Variants in ELK3 observed in about 807,000 individuals in gnomAD.
ELK3 encodes the protein ETS transcription factor ELK3, also known as ETS domain-containing protein Elk-3.
In ELK3, 10 loss-of-function variants were observed where a neutral mutation model predicts 28.9. That is an observed-to-expected ratio of 0.35 (90% confidence interval 0.21 to 0.59). The LOEUF is 0.59. Among genes scored for constraint, ELK3 ranks in the 20% least tolerant of loss-of-function variants. The probability of loss-of-function intolerance (pLI) is 0.82; values close to 1 mark genes in which losing one functional copy is unlikely to be tolerated. For missense variants in ELK3, 463 were observed against 517.3 expected (o/e 0.90, Z 1.02); for synonymous variants, 272 against 243.5 (o/e 1.12, Z -1.09).
chr12:96,214,416 G>A (rs1357337207), intron 1 of ELK3, among the ~76,000 whole-genome samples: 2 of 151,492 alleles, frequency 1.3e-5, no homozygotes, highest in African/African-American at 2.4e-5. Context: ...GGGCGACAGA[G>A]CAAGACTCTG....
intron 2 of ELK3, among the ~76,000 whole-genome samples, chr12:96,240,899 A>G (rs1051382202): frequency 1.3e-5 from 2 of 152,208 alleles, no homozygotes; most frequent in African/African-American, 4.8e-5. Flanking sequence ...CCTTGGATCA[A>G]AATTGGGGTG....
At chr12:96,252,459 C>T (rs1216440755) in intron 3 of ELK3, among the ~76,000 whole-genome samples, 2 of 151,976 alleles carry the variant, frequency 1.3e-5, no homozygotes, top group South Asian at 2.1e-4. Context: ...CAATTGAAAA[C>T]CTTCTGGAAA....
intron 1 of ELK3, among the ~76,000 whole-genome samples, chr12:96,202,891 C>G (rs907263876): frequency 4.6e-5 from 7 of 151,120 alleles, no homozygotes; most frequent in African/African-American, 1.7e-4. Context: ...TCTTGTTACC[C>G]AAACACAGGA....
intron 3 of ELK3, among the ~76,000 whole-genome samples, chr12:96,254,981 G>A (rs190571389): frequency 5.9e-5 from 9 of 152,268 alleles, no homozygotes; most frequent in African/African-American, 2.2e-4. Context: ...AGGGGTATGA[G>A]TGACAGTCTG....
At chr12:96,206,656 T>C (rs970231753) in intron 1 of ELK3, among the ~76,000 whole-genome samples, 1 of 152,222 alleles carries the variant, frequency 6.6e-6, no homozygotes, top group Admixed American at 6.5e-5. Flanking sequence ...TTTGTACAGT[T>C]AATATATTCA....
At chr12:96,243,401 A>G (rs1951834452) in intron 2 of ELK3, among the ~76,000 whole-genome samples, 2 of 152,240 alleles carry the variant, frequency 1.3e-5, no homozygotes, top group African/African-American at 4.8e-5. Context: ...ATCATGTAAT[A>G]TCTGGCTGCT....
At chr12:96,227,984 C>G (rs569768977) in intron 2 of ELK3, among the ~76,000 whole-genome samples, 9 of 152,240 alleles carry the variant, frequency 5.9e-5, no homozygotes, top group African/African-American at 1.9e-4. Flanking sequence ...GTTTCTCTAT[C>G]ACTAATTTGA....
Position 96,247,145 on chromosome 12 carries a change from T to C in ELK3, c.413T>C (p.Ile138Thr). Residue 138 changes from isoleucine to threonine, a missense_variant, in exon 3 of 5, where the codon ATC becomes ACC. Ile to Thr is a moderately conservative substitution (Grantham distance 89, BLOSUM62 -1). This residue lies in a region of ELK3 where 408 missense variants were observed against 414.8 expected (regional missense o/e 0.98). Coordinates refer to ENST00000228741, the MANE Select transcript of ELK3 (RefSeq NM_005230.4). The surrounding 1 kb of genome is among the most constrained non-coding windows in gnomAD (Gnocchi z 5.5). ...AGAAGCACGAGCCGCAACGAATACATCCACTCAGGCCTGTACTCGTCCTTC... is the reference window on the plus strand; with the variant it reads ...AGAAGCACGAGCCGCAACGAATACACCCACTCAGGCCTGTACTCGTCCTTC... Reference protein sequence around the residue: ...ALRSTSRNEYIHSGLYSSFTI... With the variant: ...ALRSTSRNEYTHSGLYSSFTI... 1 of 1,613,948 alleles carries C rather than the reference T, an allele frequency of 6.2e-7. No homozygotes were observed. The highest frequency in any genetic ancestry group is 8.5e-7 in the Non-Finnish European group (1 of 1,179,928).
At chr12:96,266,586 T>C (rs1369859600) in intron 4 of ELK3, among the ~76,000 whole-genome samples, 1 of 152,198 alleles carries the variant, frequency 6.6e-6, no homozygotes, top group Non-Finnish European at 1.5e-5. Context: ...TAAATACATT[T>C]CTTACTTTAG....
intron 1 of ELK3, among the ~76,000 whole-genome samples, chr12:96,197,596 A>T (rs937714856): frequency 1.3e-5 from 2 of 152,098 alleles, no homozygotes; most frequent in Non-Finnish European, 2.9e-5. Flanking sequence ...TGACCTTGTG[A>T]TGGTGTACCC....
intron 3 of ELK3, among the ~76,000 whole-genome samples, chr12:96,257,393 A>G (rs937098508): frequency 2.0e-5 from 3 of 152,256 alleles, no homozygotes; most frequent in African/African-American, 7.2e-5. Flanking sequence ...GAGAAACAAG[A>G]AGGCTACAGT....
intron 4 of ELK3, 120 bp downstream of exon 4, chr12:96,259,973 A>AG: frequency 2.2e-6 from 3 of 1,358,846 alleles, no homozygotes; most frequent in Non-Finnish European, 2.9e-6. Flanking sequence ...AAATGTCCAG[A>AG]GGGGGTTCAT....
intron 4 of ELK3, among the ~76,000 whole-genome samples, chr12:96,260,966 C>T (rs906432347): frequency 6.6e-6 from 1 of 152,094 alleles, no homozygotes; most frequent in African/African-American, 2.4e-5. Flanking sequence ...TGTGGTGTCC[C>T]CAGCATCTGG....
intron 2 of ELK3, 26 bp from the exon 3 acceptor site, chr12:96,246,914 T>G (rs761178787): frequency 5.8e-6 from 9 of 1,559,000 alleles, no homozygotes; most frequent in Non-Finnish European, 6.1e-6. Context: ...CACTCAGATT[T>G]TCAACGTCTA....
rs769001994 is a variant in ELK3 at position 96,247,356 on chromosome 12, G to A, written c.624G>A (p.Ala208=). The part of the protein sequence containing the change: ...VVSLPSTSEA[A]AASAFLASSV... ...CCCTGCCTTCCACGTCAGAGGCTGCGGCGGCGTCCGCCTTCCTGGCCTCGT... is the reference window on the plus strand; with the variant it reads ...CCCTGCCTTCCACGTCAGAGGCTGCAGCGGCGTCCGCCTTCCTGGCCTCGT... The change falls in exon 3 of 5, where the codon GCG becomes GCA. Residue 208 remains alanine (A), a synonymous_variant. Coordinates refer to ENST00000228741, the MANE Select transcript of ELK3 (RefSeq NM_005230.4). The surrounding 1 kb of genome is among the most constrained non-coding windows in gnomAD (Gnocchi z 5.5). 6.2e-6 allele frequency: 10 copies of A among 1,614,210 alleles called. No individual in the cohort carries two copies. The highest frequency in any genetic ancestry group is 1.7e-5 in the Admixed American group (1 of 60,034).
At chr12:96,202,415 T>A (rs563458352) in intron 1 of ELK3, among the ~76,000 whole-genome samples, 42 of 152,280 alleles carry the variant, frequency 2.8e-4, no homozygotes, top group African/African-American at 9.6e-4. Context: ...TAGGCGTCTT[T>A]TAGTTCACAC....
In ELK3 at chr12:96,269,640, TTTC is replaced by T. The variant is rs1952070561; in HGVS notation, c.*2463_*2465del. On this transcript the variant is annotated 3_prime_UTR_variant, in exon 5 of 5. Transcript: ENST00000228741. Reference sequence around the variant, plus strand: ...ATAGGTTTCAAAGAACATTAATGACTTTCTTTTCCCTTTTATGTCTGCTTAATC... The same window carrying T: ...ATAGGTTTCAAAGAACATTAATGACTTTTTCCCTTTTATGTCTGCTTAATC... 1 of 152,232 alleles carries T rather than the reference TTTC, an allele frequency of 6.6e-6. No individual in the cohort carries two copies. The highest frequency in any genetic ancestry group is 6.5e-5 in the Admixed American group (1 of 15,286). 9.4% of individuals were successfully genotyped at this position (152,232 alleles called of 1,614,324 possible).
chr12:96,210,597 A>ACACCCCC (rs1416746905), intron 1 of ELK3, among the ~76,000 whole-genome samples: 24 of 149,064 alleles, frequency 1.6e-4, no homozygotes, highest in Admixed American at 1.3e-3. Flanking sequence ...ACACACACAC[A>ACACCCCC]CCCCGAGTGG....
intron 1 of ELK3, among the ~76,000 whole-genome samples, chr12:96,211,497 G>A (rs933748782): frequency 2.0e-5 from 3 of 149,732 alleles, no homozygotes; most frequent in Non-Finnish European, 4.4e-5. Context: ...TTGTGTGTGT[G>A]TGTGTGTGTG....
Sources: allele counts gnomAD v4.1 joint callset (sites outside exome capture counted in the v4.1 genomes callset), GRCh38; gene constraint gnomAD v4.1.1; regional missense constraint gnomAD v4.1.1; non-coding constraint Gnocchi (gnomAD v3.1); transcripts MANE v1.5; gene names NCBI Gene and HGNC (gene_info 2026-07-23, HGNC 2026-07-21).